Variants in KLHL29 observed in about 807,000 individuals in gnomAD.
The protein encoded by KLHL29 is kelch like family member 29.
Under a neutral mutation model 80.4 loss-of-function variants are expected in KLHL29, and 21 were observed. That is an observed-to-expected ratio of 0.26 (90% CI 0.19 to 0.38). The LOEUF (loss-of-function observed/expected upper bound fraction) is 0.38. KLHL29 is among the 10% of genes least tolerant of loss of function. The pLI, the probability that KLHL29 is intolerant of heterozygous loss-of-function variation, is 1.00. For missense variants in KLHL29, 867 were observed against 1,223.9 expected (o/e 0.71, Z 4.35); for synonymous variants, 511 against 526.8 (o/e 0.97, Z 0.41).
At chr2:23,417,305 A>T (rs1195251854) in intron 1 of KLHL29, among the ~76,000 whole-genome samples, 1 of 152,258 alleles carries the variant, frequency 6.6e-6, no homozygotes, top group African/African-American at 2.4e-5. Flanking sequence ...TGCTAGAGCC[A>T]TGGCTTAGAG....
intron 1 of KLHL29, among the ~76,000 whole-genome samples, chr2:23,437,132 T>G (rs1018949916): frequency 6.6e-6 from 1 of 152,168 alleles, no homozygotes; most frequent in African/African-American, 2.4e-5. Context: ...GTGGGCAAAG[T>G]GTACTAAGCA....
At chr2:23,450,915 A>G (rs1308590475) in intron 1 of KLHL29, among the ~76,000 whole-genome samples, 1 of 152,100 alleles carries the variant, frequency 6.6e-6, no homozygotes. Context: ...TCCTTCCCCC[A>G]ATCACTGGCA....
intron 5 of KLHL29, among the ~76,000 whole-genome samples, chr2:23,674,260 T>C (rs1477536078): frequency 6.6e-6 from 1 of 150,410 alleles, no homozygotes; most frequent in African/African-American, 2.4e-5. Context: ...CGCCAGTACC[T>C]GGCACACAGG....
intron 5 of KLHL29, among the ~76,000 whole-genome samples, chr2:23,670,917 G>GCGCGCGCA (rs150131401): frequency 0.1 from 1,917 of 18,548 alleles, 743 homozygotes; most frequent in East Asian, 0.19. Flanking sequence ...ACATGCACGC[G>GCGCGCGCA]CTCTCTCTCT....
At chr2:23,634,134 G>A (rs1669546878) in intron 3 of KLHL29, among the ~76,000 whole-genome samples, 1 of 152,172 alleles carries the variant, frequency 6.6e-6, no homozygotes, top group Non-Finnish European at 1.5e-5. Flanking sequence ...CTGGTACACG[G>A]TGGTGCCCCT....
intron 2 of KLHL29, among the ~76,000 whole-genome samples, chr2:23,479,783 C>T (rs932281504): frequency 1.3e-5 from 2 of 152,212 alleles, no homozygotes; most frequent in Non-Finnish European, 2.9e-5. Context: ...ATCTCCTTCT[C>T]CTTTGCCTTA....
intron 5 of KLHL29, 45 bp downstream of exon 5, chr2:23,642,895 C>A: frequency 6.5e-7 from 1 of 1,547,802 alleles, no homozygotes. Context: ...TGCGTCTGCA[C>A]CTCCCTGCGC....
intron 1 of KLHL29, among the ~76,000 whole-genome samples, chr2:23,469,337 T>A (rs1162459998): frequency 6.6e-6 from 1 of 152,140 alleles, no homozygotes; most frequent in African/African-American, 2.4e-5. Context: ...GCAGTCCAAC[T>A]TGAGAGAGCT....
chr2:23,518,717 G>A (rs1188502099), intron 2 of KLHL29, among the ~76,000 whole-genome samples: 2 of 152,146 alleles, frequency 1.3e-5, no homozygotes, highest in African/African-American at 4.8e-5. Flanking sequence ...CTGGTCCACA[G>A]CTGCACACGC....
At chr2:23,488,638 G>T (rs1665001094) in intron 2 of KLHL29, among the ~76,000 whole-genome samples, 1 of 152,224 alleles carries the variant, frequency 6.6e-6, no homozygotes, top group Admixed American at 6.5e-5. Context: ...AGGAAGAATT[G>T]CAGGAGACTT....
At chr2:23,687,056 G>A (rs1671293373) in intron 6 of KLHL29, among the ~76,000 whole-genome samples, 2 of 152,158 alleles carry the variant, frequency 1.3e-5, no homozygotes, top group South Asian at 2.1e-4. Context: ...CAGTCCCCTT[G>A]GCATCCGTGA....
At chr2:23,445,827 A>G (rs1325756405) in intron 1 of KLHL29, among the ~76,000 whole-genome samples, 2 of 152,130 alleles carry the variant, frequency 1.3e-5, no homozygotes, top group Non-Finnish European at 2.9e-5. Context: ...GTTTTGTTGT[A>G]TGTTTATCTT....
In KLHL29 at chr2:23,691,863, C is replaced by T. The variant is rs1671629688; in HGVS notation, c.1269C>T (p.Cys423=). Residue 423 remains cysteine (C), a synonymous_variant, in exon 7 of 14, where the codon TGC becomes TGT. Transcript: ENST00000486442. ...KFQFHTFCKV[C]VSFLEKQLTA... is the part of the protein sequence containing the mutation. ...AGTTCCACACCTTCTGCAAAGTCTG[C>T]GTGTCCTTTCTCGGTGAGCCCGGGG... 2.6e-6 allele frequency: 4 copies of T among 1,550,142 alleles called. No homozygotes were observed. Among genetic ancestry groups the T allele is most frequent in the Non-Finnish European group, 1.7e-6 (2 of 1,146,994 alleles).
chr2:23,691,988 C>A, intron 7 of KLHL29, 112 bp downstream of exon 7: 1 of 1,051,326 alleles, frequency 9.5e-7, no homozygotes, highest in South Asian at 1.5e-5. Context: ...CCTGAAGCTC[C>A]CTCACATGTG....
chr2:23,696,630 T>C lies in KLHL29; in HGVS notation c.2105+117T>C. 1.3e-6 allele frequency: 1 copy of C among 784,678 alleles called. No homozygotes were observed. The highest frequency in any genetic ancestry group is 2.0e-6 in the Non-Finnish European group (1 of 501,008). The allele number at this position is 784,678 out of a possible 1,614,324, so 48.6% of individuals were successfully genotyped here. On this transcript the variant is annotated intron_variant, in intron 11 of 13. Transcript: ENST00000486442. The surrounding 1 kb of genome is among the most constrained non-coding windows in gnomAD (Gnocchi z 5.5). ...TGGCGATGGAGCAGAGCCTGGACCATTCATATGGGCAGTCATCCCAGGCTC... is the reference window on the plus strand; with the variant it reads ...TGGCGATGGAGCAGAGCCTGGACCACTCATATGGGCAGTCATCCCAGGCTC...
chr2:23,419,279 G>C (rs1474000669), intron 1 of KLHL29, among the ~76,000 whole-genome samples: 1 of 152,186 alleles, frequency 6.6e-6, no homozygotes, highest in African/African-American at 2.4e-5. Context: ...CCTGCCTTCT[G>C]TTTCTCTCCC....
chr2:23,455,354 A>G (rs1664020078), intron 1 of KLHL29, among the ~76,000 whole-genome samples: 1 of 152,212 alleles, frequency 6.6e-6, no homozygotes, highest in South Asian at 2.1e-4. Flanking sequence ...ACTTTAACCT[A>G]TTTTAAGTTG....
At chr2:23,592,809 G>A (rs183497952) in intron 3 of KLHL29, among the ~76,000 whole-genome samples, 2 of 152,304 alleles carry the variant, frequency 1.3e-5, no homozygotes, top group East Asian at 1.9e-4. Flanking sequence ...CCCCCAAAGG[G>A]GAATGGAAGT....
intron 1 of KLHL29, among the ~76,000 whole-genome samples, chr2:23,475,180 T>A (rs1360930861): frequency 3.3e-5 from 5 of 152,136 alleles, no homozygotes; most frequent in African/African-American, 1.2e-4. Context: ...CTGGAGTTTC[T>A]TAGTTTGGAT....
Sources: allele counts gnomAD v4.1 joint callset (sites outside exome capture counted in the v4.1 genomes callset), GRCh38; gene constraint gnomAD v4.1.1; non-coding constraint Gnocchi (gnomAD v3.1); transcripts MANE v1.5; gene names NCBI Gene and HGNC (gene_info 2026-07-23, HGNC 2026-07-21).